The following BRIP1 variants were observed in gnomAD, a reference collection of about 807,000 sequenced individuals.
BRIP1 encodes BRCA1 interacting DNA helicase 1.
Under a neutral mutation model 119.7 loss-of-function variants are expected in BRIP1, and 88 were observed. The ratio of observed to expected loss-of-function variants is 0.74; its 90% CI spans 0.62 to 0.88. The LOEUF is 0.88. BRIP1 is among the 40% of genes least tolerant of loss of function. The pLI, the probability that BRIP1 is intolerant of heterozygous loss-of-function variation, is 0.00. For missense variants in BRIP1, 1,259 were observed against 1,455.4 expected (o/e 0.87, Z 2.20); for synonymous variants, 443 against 496.5 (o/e 0.89, Z 1.43).
rs563425738 is a variant in BRIP1 at position 61,712,702 on chromosome 17, G to A, written c.2492+3249C>T. Among the ~76,000 whole-genome samples the A allele has an allele frequency of 6.6e-5, 10 of 152,096 alleles. No homozygotes were observed. The South Asian group carries it at 1.2e-3, about 19-fold the overall frequency. On this transcript the variant is annotated intron_variant, in intron 17 of 19. Transcript: ENST00000259008. ...AGGCGGATCACAAGGTCAAGAAATC[G>A]AGACCATCCTGGCCAACATGGTGAA...
chr17:61,777,793 G>C (rs531891703), intron 13 of BRIP1, among the ~76,000 whole-genome samples: 2 of 152,182 alleles, frequency 1.3e-5, no homozygotes, highest in African/African-American at 4.8e-5. Context: ...GGTTTTTATG[G>C]AGGCTTCATT....
Position 61,834,237 on chromosome 17 carries a change from G to C in BRIP1, c.627+12864C>G, listed in dbSNP as rs908687649. On this transcript the variant is annotated intron_variant, in intron 6 of 19. Transcript: ENST00000259008. The surrounding 1 kb of genome is among the most constrained non-coding windows in gnomAD (Gnocchi z 4.4). ...ACTATAATCCTAATTTTGTGTGTGGGGAGGGAGTATATATGTAATATATGT... is the reference window on the plus strand; with the variant it reads ...ACTATAATCCTAATTTTGTGTGTGGCGAGGGAGTATATATGTAATATATGT... Among the ~76,000 whole-genome samples the C allele has an allele frequency of 6.6e-6, 1 of 151,988 alleles. No homozygotes were observed. Among genetic ancestry groups the C allele is most frequent in the African/African-American group, 2.4e-5 (1 of 41,364 alleles).
In BRIP1 at chr17:61,805,829, C is replaced by T. The variant is rs558209725; in HGVS notation, c.918+2638G>A. On this transcript the variant is annotated intron_variant, in intron 7 of 19. Transcript: ENST00000259008. This position sits in a 1 kb window ranked among gnomAD's most constrained non-coding sequence, Gnocchi z 5.6. Reference sequence around the variant, plus strand: ...ACAATTCTGAAAGCTTACCTTTATACAAAATGATCACTAAAGTGCCTTTAG... The same window carrying T: ...ACAATTCTGAAAGCTTACCTTTATATAAAATGATCACTAAAGTGCCTTTAG... Among the ~76,000 whole-genome samples the T allele has an allele frequency of 3.3e-5, 5 of 152,094 alleles. No individual in the cohort carries two copies. The highest frequency in any genetic ancestry group is 5.9e-5 in the Non-Finnish European group (4 of 68,006).
rs2145301245 is a variant in BRIP1, at chr17:61,799,132, T to G, written c.1308A>C (p.Glu436Asp). 2 of 1,613,512 alleles carry G rather than the reference T, an allele frequency of 1.2e-6. No homozygotes were observed. Among genetic ancestry groups the G allele is most frequent in the Non-Finnish European group, 1.7e-6 (2 of 1,179,582 alleles). ...GGCTACAGCACACAGCTCGTAGGGG[T>G]TCATGATCTTTCTTCCTTATATTAT... ...VNNNIRKKDHEPLRAVCCSLI... is the reference protein window; with the variant it reads ...VNNNIRKKDHDPLRAVCCSLI... The change falls in exon 9 of 20, where the codon GAA becomes GAC. Residue 436 changes from glutamate to aspartate, a missense_variant. Physicochemically the swap from Glu to Asp is conservative, Grantham distance 45. This residue lies in a region of BRIP1 where 501 missense variants were observed against 544.0 expected (regional missense o/e 0.92). Coordinates refer to ENST00000259008, the MANE Select transcript of BRIP1 (RefSeq NM_032043.3). The surrounding 1 kb of genome is among the most constrained non-coding windows in gnomAD (Gnocchi z 5.1).
chr17:61,682,916 G>A lies in BRIP1; in HGVS notation c.*380C>T, dbSNP rs556729826. Reference sequence around the variant, plus strand: ...AGGGAGGCAGAGAAGGGCAGATCACGAGGCCAGGAGTTCGAGACCAGCCTG... The same window carrying A: ...AGGGAGGCAGAGAAGGGCAGATCACAAGGCCAGGAGTTCGAGACCAGCCTG... On this transcript the variant is annotated 3_prime_UTR_variant, in exon 20 of 20. Coordinates refer to ENST00000259008, the MANE Select transcript of BRIP1 (RefSeq NM_032043.3). This position sits in a 1 kb window ranked among gnomAD's most constrained non-coding sequence, Gnocchi z 4.9. 77 of 224,556 alleles carry A rather than the reference G, an allele frequency of 3.4e-4. No homozygotes were observed. The highest frequency in any genetic ancestry group is 5.2e-4 in the Non-Finnish European group (59 of 112,402). The allele number at this position is 224,556 out of a possible 1,614,324, so 13.9% of individuals were successfully genotyped here.
chr17:61,839,517 T>C (rs1400095058), intron 6 of BRIP1, among the ~76,000 whole-genome samples: 1 of 152,176 alleles, frequency 6.6e-6, no homozygotes, highest in Non-Finnish European at 1.5e-5. Context: ...TTCTTTGCAT[T>C]GCAAAAGTGC....
chr17:61,735,415 G>A lies in BRIP1; in HGVS notation c.2379+7598C>T, dbSNP rs2076903647. 6.6e-6 allele frequency among the ~76,000 whole-genome samples: 1 copy of A among 152,070 alleles called. No individual in the cohort carries two copies. The highest frequency in any genetic ancestry group is 2.4e-5 in the African/African-American group (1 of 41,406). ...GCTAGAGAGCTTCCTATTGGCCTCT[G>A]GAAGTATACTGTCATGATACGAGGG... On this transcript the variant is annotated intron_variant, in intron 16 of 19. Transcript: ENST00000259008. This position sits in a 1 kb window ranked among gnomAD's most constrained non-coding sequence, Gnocchi z 4.4.
In BRIP1 at chr17:61,831,799, G is replaced by T. The variant is rs556747640; in HGVS notation, c.627+15302C>A. Reference sequence around the variant, plus strand: ...GTAATTCTGTTTTTAACTTTCAGAGGAATCAGGAACAAGGTTTTTCAGTTA... The same window carrying T: ...GTAATTCTGTTTTTAACTTTCAGAGTAATCAGGAACAAGGTTTTTCAGTTA... On this transcript the variant is annotated intron_variant, in intron 6 of 19. Coordinates refer to ENST00000259008, the MANE Select transcript of BRIP1 (RefSeq NM_032043.3). This position sits in a 1 kb window ranked among gnomAD's most constrained non-coding sequence, Gnocchi z 4.1. 6.6e-6 allele frequency among the ~76,000 whole-genome samples: 1 copy of T among 152,208 alleles called. No individual in the cohort carries two copies. The highest frequency in any genetic ancestry group is 1.9e-4 in the East Asian group (1 of 5,178).
rs2078011121 is a variant in BRIP1 at position 61,802,510 on chromosome 17, A to T, written c.919-1036T>A. Among the ~76,000 whole-genome samples, 1 of 152,194 alleles carries T rather than the reference A, an allele frequency of 6.6e-6. No individual in the cohort carries two copies. Among genetic ancestry groups the T allele is most frequent in the Non-Finnish European group, 1.5e-5 (1 of 68,024 alleles). ...AGCAAATGTTCCCCAGGCATTGAGG[A>T]TTATTAACAATTCAGCCACAATAAA... On this transcript the variant is annotated intron_variant, in intron 7 of 19. Coordinates refer to ENST00000259008, the MANE Select transcript of BRIP1 (RefSeq NM_032043.3). This position sits in a 1 kb window ranked among gnomAD's most constrained non-coding sequence, Gnocchi z 6.0.
At position 61,845,232 on chromosome 17, in the gene BRIP1, A is replaced by C. The variant is rs1335680828; in HGVS notation, c.627+1869T>G. Among the ~76,000 whole-genome samples the C allele has an allele frequency of 6.6e-6, 1 of 152,188 alleles. No homozygotes were observed. Among genetic ancestry groups the C allele is most frequent in the Admixed American group, 6.5e-5 (1 of 15,272 alleles). Reference sequence around the variant, plus strand: ...CAACTATTAATATAAAGCTTCAGTGAAGATCACCAACAAAACACAAATTAA... The same window carrying C: ...CAACTATTAATATAAAGCTTCAGTGCAGATCACCAACAAAACACAAATTAA... On this transcript the variant is annotated intron_variant, in intron 6 of 19. Coordinates refer to ENST00000259008, the MANE Select transcript of BRIP1 (RefSeq NM_032043.3). This position sits in a 1 kb window ranked among gnomAD's most constrained non-coding sequence, Gnocchi z 4.2.
In BRIP1 at chr17:61,822,518, G is replaced by T. The variant is rs1168692532; in HGVS notation, c.628-13761C>A. Among the ~76,000 whole-genome samples, 1 of 152,150 alleles carries T rather than the reference G, an allele frequency of 6.6e-6. No individual in the cohort carries two copies. Among genetic ancestry groups the T allele is most frequent in the Non-Finnish European group, 1.5e-5 (1 of 68,022 alleles). On this transcript the variant is annotated intron_variant, in intron 6 of 19. Coordinates refer to ENST00000259008, the MANE Select transcript of BRIP1 (RefSeq NM_032043.3). The surrounding 1 kb of genome is among the most constrained non-coding windows in gnomAD (Gnocchi z 4.4). ...GGAACTGGACAGACTATCCAGTAAG[G>T]CCAGTCAAATCAATCATACAGGTTA...
rs1475496077 is a variant in BRIP1 at position 61,824,896 on chromosome 17, A to T, written c.628-16139T>A. Among the ~76,000 whole-genome samples the T allele has an allele frequency of 6.6e-6, 1 of 152,230 alleles. No individual in the cohort carries two copies. Among genetic ancestry groups the T allele is most frequent in the African/African-American group, 2.4e-5 (1 of 41,462 alleles). On this transcript the variant is annotated intron_variant, in intron 6 of 19. Transcript: ENST00000259008. The surrounding 1 kb of genome is among the most constrained non-coding windows in gnomAD (Gnocchi z 4.3). ...TACATAAAGAACTTCCACCAACTCA[A>T]CAACGACAAAAGCAATCCAATTCCA...
At chr17:61,826,731 TAAAA>T (rs58466965) in intron 6 of BRIP1, among the ~76,000 whole-genome samples, 4 of 75,318 alleles carry the variant, frequency 5.3e-5, no homozygotes, top group East Asian at 4.8e-4. Context: ...TATTAAAAAG[TAAAA>T]AAAAAAAAAA....
In BRIP1 at chr17:61,860,757, T is replaced by C. The variant is rs1033852103; in HGVS notation, c.93+690A>G. Among the ~76,000 whole-genome samples, 16 of 152,352 alleles carry C rather than the reference T, an allele frequency of 1.1e-4. No homozygotes were observed. Among genetic ancestry groups the C allele is most frequent in the African/African-American group, 3.8e-4 (16 of 41,582 alleles). On this transcript the variant is annotated intron_variant, in intron 2 of 19. Transcript: ENST00000259008. The surrounding 1 kb of genome is among the most constrained non-coding windows in gnomAD (Gnocchi z 4.1). ...GTCTACCAATAAGAAAATGGACAGA[T>C]AAATTCTGGTATATTCATCCAATGG...
At position 61,726,752 on chromosome 17, in the gene BRIP1, C is replaced by A. The variant is rs1379331113; in HGVS notation, c.2380-10689G>T. 6.6e-6 allele frequency among the ~76,000 whole-genome samples: 1 copy of A among 152,184 alleles called. No homozygotes were observed. Among genetic ancestry groups the A allele is most frequent in the Non-Finnish European group, 1.5e-5 (1 of 68,032 alleles). On this transcript the variant is annotated intron_variant, in intron 16 of 19. Transcript: ENST00000259008. The surrounding 1 kb of genome is among the most constrained non-coding windows in gnomAD (Gnocchi z 6.2). ...AGAAATTTTAGCTAACATTAGCACTCTTTAATATCCTCCATAATACTTTTT... is the reference window on the plus strand; with the variant it reads ...AGAAATTTTAGCTAACATTAGCACTATTTAATATCCTCCATAATACTTTTT...
At position 61,832,727 on chromosome 17, in the gene BRIP1, G is replaced by C. The variant is rs927385381; in HGVS notation, c.627+14374C>G. ...AAGTGATAACTAAATGCAATGCATG[G>C]TTCTGACTGGATTCTTTTGCTTTTA... is the stretch of plus-strand genomic sequence containing the variant. On this transcript the variant is annotated intron_variant, in intron 6 of 19. Transcript: ENST00000259008. This position sits in a 1 kb window ranked among gnomAD's most constrained non-coding sequence, Gnocchi z 5.5. Among the ~76,000 whole-genome samples the C allele has an allele frequency of 1.3e-5, 2 of 152,204 alleles. No individual in the cohort carries two copies. The highest frequency in any genetic ancestry group is 2.9e-5 in the Non-Finnish European group (2 of 68,034).
chr17:61,775,318 CTTTAA>C lies in BRIP1; in HGVS notation c.2097+1078_2097+1082del, dbSNP rs1191221620. ...TTAAATATGTTTTTGAAAACAAATC[CTTTAA>C]TTTATCTACAAGAGACTAATTGCTT... On this transcript the variant is annotated intron_variant, in intron 14 of 19. Coordinates refer to ENST00000259008, the MANE Select transcript of BRIP1 (RefSeq NM_032043.3). This position sits in a 1 kb window ranked among gnomAD's most constrained non-coding sequence, Gnocchi z 4.4. Among the ~76,000 whole-genome samples the C allele has an allele frequency of 6.6e-6, 1 of 151,966 alleles. No homozygotes were observed. Among genetic ancestry groups the C allele is most frequent in the Non-Finnish European group, 1.5e-5 (1 of 67,982 alleles).
intron 6 of BRIP1, among the ~76,000 whole-genome samples, chr17:61,833,128 G>A (rs917051834): frequency 4.6e-5 from 7 of 152,122 alleles, no homozygotes; most frequent in African/African-American, 1.7e-4. Flanking sequence ...GAATGAAAAC[G>A]TTCTACATGA....
At chr17:61,765,425 T>TA (rs2077357815) in intron 14 of BRIP1, among the ~76,000 whole-genome samples, 3 of 26,194 alleles carry the variant, frequency 1.1e-4, no homozygotes, top group African/African-American at 1.3e-4. Context: ...ATATATATAT[T>TA]TTTTTTTTTT....
Sources: gnomAD v4.1 joint callset for allele counts (sites outside exome capture counted in the v4.1 genomes callset) on GRCh38, gnomAD v4.1.1 for gene constraint, gnomAD v4.1.1 regional missense constraint, Gnocchi (gnomAD v3.1) non-coding constraint, MANE v1.5 for transcripts, NCBI Gene and HGNC (gene_info 2026-07-23, HGNC 2026-07-21) for gene names.